LAMA3: variants seen among roughly 807,000 people sequenced by gnomAD.
The protein encoded by LAMA3 is laminin subunit alpha 3, also known as laminin subunit alpha-3.
A neutral mutation model predicts 402.0 loss-of-function variants in LAMA3; 281 were observed. The observed-to-expected ratio is 0.70, with a 90% CI of 0.63 to 0.77. The LOEUF (loss-of-function observed/expected upper bound fraction) is 0.77, where lower values mean the gene tolerates loss of function less well. LAMA3 is among the 30% of genes least tolerant of loss of function. The pLI is 0.00. For missense variants in LAMA3, 3,840 were observed against 4,215.5 expected, an observed-to-expected ratio of 0.91 and a Z score of 2.47; for synonymous variants, 1,431 against 1,558.4, an observed-to-expected ratio of 0.92 and a Z score of 1.93.
At chr18:23,734,706 C>T (rs1028701098) in intron 2 of LAMA3, among the ~76,000 whole-genome samples, 2 of 152,224 alleles carry the variant, frequency 1.3e-5, no homozygotes, top group African/African-American at 2.4e-5. Context: ...GATAGCCCCA[C>T]GTGGCCATCC....
intron 41 of LAMA3, 46 bp downstream of exon 41, chr18:23,884,899 AG>A (rs1478536271): frequency 1.3e-6 from 2 of 1,481,600 alleles, no homozygotes; most frequent in African/African-American, 2.8e-5. Context: ...GGGGGCGGGG[AG>A]GGCTGTGGGT....
intron 32 of LAMA3, among the ~76,000 whole-genome samples, chr18:23,851,236 C>T (rs758347903): frequency 2.0e-5 from 3 of 152,212 alleles, no homozygotes; most frequent in Non-Finnish European, 4.4e-5. Flanking sequence ...ACGGCTGTAA[C>T]AGCCACACAG....
intron 1 of LAMA3, among the ~76,000 whole-genome samples, chr18:23,706,701 A>C (rs887919762): frequency 7.2e-5 from 11 of 152,118 alleles, no homozygotes; most frequent in African/African-American, 2.4e-4. Flanking sequence ...ATTTCTGTTG[A>C]GAGTTCTTCG....
intron 11 of LAMA3, among the ~76,000 whole-genome samples, chr18:23,783,425 C>G (rs1298894593): frequency 4.6e-5 from 7 of 152,122 alleles, no homozygotes; most frequent in South Asian, 4.1e-4. Context: ...TGAACTGACA[C>G]CTGGTGGATG....
intron 32 of LAMA3, among the ~76,000 whole-genome samples, chr18:23,856,588 C>T (rs1476470503): frequency 1.3e-5 from 2 of 152,056 alleles, no homozygotes; most frequent in African/African-American, 4.8e-5. Flanking sequence ...TGCCTCTGCT[C>T]AGCTGTTTGT....
intron 74 of LAMA3, among the ~76,000 whole-genome samples, chr18:23,953,325 G>GTTTTTTTTTTTGTTTTTTTTTTT (rs1568386187): frequency 2.9e-4 from 39 of 133,896 alleles, no homozygotes; most frequent in East Asian, 6.6e-4. Context: ...CTGTAATTTT[G>GTTTTTTTTTTTGTTTTTTTTTTT]TTTTTTTTTT....
At chr18:23,933,004 G>A (rs1479368893) in intron 66 of LAMA3, among the ~76,000 whole-genome samples, 2 of 152,174 alleles carry the variant, frequency 1.3e-5, no homozygotes, top group Non-Finnish European at 2.9e-5. Context: ...GGGAGGGATG[G>A]GGAAGGCCCA....
In LAMA3 at chr18:23,914,400, T is replaced by C. The variant is rs1438192427; in HGVS notation, c.7330-10T>C. ...ATGTGAAGTGTTCTGAGGTGGCCCT[T>C]TGTCTCCAGGCCTCCCGGGACTACA... On this transcript the variant is annotated splice_polypyrimidine_tract_variant and intron_variant, in intron 56 of 74. Coordinates refer to ENST00000313654, the MANE Select transcript of LAMA3 (RefSeq NM_198129.4). 6.2e-7 allele frequency: 1 copy of C among 1,614,032 alleles called. No individual in the cohort carries two copies. Among genetic ancestry groups the C allele is most frequent in the Admixed American group, 1.7e-5 (1 of 59,992 alleles).
Position 23,847,786 on chromosome 18 carries a change from C to T in LAMA3, c.4136+118C>T, listed in dbSNP as rs943871790. 4.8e-6 allele frequency: 5 copies of T among 1,037,108 alleles called. No individual in the cohort carries two copies. In the African/African-American group the frequency reaches 6.3e-5, roughly 13 times the overall value. The allele number at this position is 1,037,108 out of a possible 1,614,324, so 64.2% of individuals were successfully genotyped here. A position where few individuals can be genotyped will look rare whatever the true frequency, so the allele number is the denominator to read the frequency against. On this transcript the variant is annotated intron_variant, in intron 32 of 74. Coordinates refer to ENST00000313654, the MANE Select transcript of LAMA3 (RefSeq NM_198129.4). ...CTGTCCAGGGGTGCCCTGTGTTGAC[C>T]TCGGCATGAGCTTCCCAGACAGGAT...
At chr18:23,952,845 A>T in intron 73 of LAMA3, 145 bp from the exon 74 acceptor site, 1 of 920,900 alleles carries the variant, frequency 1.1e-6, no homozygotes. Context: ...AGAGGAAGTT[A>T]ATTGAATTTA....
At position 23,749,481 on chromosome 18, in the gene LAMA3, AC is replaced by A. The variant is rs1208177175; in HGVS notation, c.622del (p.Arg208GlyfsTer26). On this transcript the variant is annotated frameshift_variant, in exon 4 of 75. Coordinates refer to ENST00000313654, the MANE Select transcript of LAMA3 (RefSeq NM_198129.4). LOFTEE classifies it high-confidence loss of function. ...EFGREANMAV[T>X]RDDDVLCVTE... ...TGGGCGGGAGGCAAATATGGCTGTC[AC>A]CCGGGATGATGATGTACTTTGTGTT... 3 of 1,613,148 alleles carry A rather than the reference AC, an allele frequency of 1.9e-6. No individual in the cohort carries two copies. Among genetic ancestry groups the A allele is most frequent in the African/African-American group, 1.3e-5 (1 of 74,906 alleles).
chr18:23,953,918 G>T (rs979805011), intron 74 of LAMA3, among the ~76,000 whole-genome samples: 3 of 152,122 alleles, frequency 2.0e-5, no homozygotes, highest in African/African-American at 4.8e-5. Flanking sequence ...GTTGTTAATT[G>T]TATAGGTCTT....
chr18:23,747,806 A>T, intron 2 of LAMA3, 137 bp from the exon 3 acceptor site: 1 of 703,794 alleles, frequency 1.4e-6, no homozygotes, highest in Non-Finnish European at 2.6e-6. Context: ...TGTCCAATAG[A>T]CAGGAATCAG....
In LAMA3 at chr18:23,842,677, A is replaced by G; in HGVS notation, c.3530A>G (p.Gln1177Arg). ...GCRDQVIAEG[Q>R]IEFDISEPEV... is the part of the protein sequence containing the mutation. ...CGGGATCAAGTGATTGCCGAAGGCC[A>G]GATTGAGTTTGACATCTCAGAGCCT... is the stretch of plus-strand genomic sequence containing the variant. The change falls in exon 29 of 75, where the codon CAG becomes CGG. Residue 1177 changes from glutamine (Q) to arginine (R), a missense_variant. This residue lies in a region of LAMA3 where 2,109 missense variants were observed against 2,376.0 expected (regional missense o/e 0.89). Coordinates refer to ENST00000313654, the MANE Select transcript of LAMA3 (RefSeq NM_198129.4). The G allele has an allele frequency of 3.7e-6, 6 of 1,614,216 alleles. No homozygotes were observed. Among genetic ancestry groups the G allele is most frequent in the South Asian group, 2.2e-5 (2 of 91,082 alleles).
intron 1 of LAMA3, among the ~76,000 whole-genome samples, chr18:23,703,561 G>T (rs1245940399): frequency 1.3e-5 from 2 of 152,008 alleles, no homozygotes; most frequent in Admixed American, 6.6e-5. Flanking sequence ...TTTAAAAAGG[G>T]GTGTGTCCAA....
chr18:23,917,195 T>C (rs928300551), intron 60 of LAMA3, among the ~76,000 whole-genome samples: 3 of 152,222 alleles, frequency 2.0e-5, no homozygotes, highest in African/African-American at 7.2e-5. Context: ...GCAAAGGACA[T>C]GATCTCGTTC....
chr18:23,777,509 C>G (rs1259504733), intron 10 of LAMA3, 48 bp from the exon 11 acceptor site: 1 of 1,277,322 alleles, frequency 7.8e-7, no homozygotes, highest in Non-Finnish European at 1.1e-6. Context: ...TTTTACTTTA[C>G]TATCTCCTTA....
rs1383962985 is a variant in LAMA3 at position 23,769,294 on chromosome 18, G to A, written c.1183-4203G>A. On this transcript the variant is annotated intron_variant, in intron 8 of 74. Coordinates refer to ENST00000313654, the MANE Select transcript of LAMA3 (RefSeq NM_198129.4). ...TCCCATTTGTAAATGTTTTAGAGGA[G>A]AGAATAAATAATGGAAAAGGAAAAT... 3.9e-5 allele frequency among the ~76,000 whole-genome samples: 6 copies of A among 152,168 alleles called. No homozygotes were observed. In the South Asian group the frequency reaches 6.2e-4, roughly 16 times the overall value.
intron 2 of LAMA3, among the ~76,000 whole-genome samples, chr18:23,728,454 T>C (rs543296210): frequency 9.2e-5 from 14 of 152,298 alleles, no homozygotes; most frequent in African/African-American, 2.4e-4. Flanking sequence ...TCCAGCTCTG[T>C]CTGGGATCCA....
Sources: allele counts gnomAD v4.1 joint callset (sites outside exome capture counted in the v4.1 genomes callset), GRCh38; gene constraint gnomAD v4.1.1; regional missense constraint gnomAD v4.1.1; transcripts MANE v1.5; gene names NCBI Gene and HGNC (gene_info 2026-07-23, HGNC 2026-07-21).